Variants in BBS5 observed in about 807,000 individuals in gnomAD.
BBS5 encodes the protein BBSome complex member BBS5.
Under a neutral mutation model 50.2 loss-of-function variants are expected in BBS5, and 39 were observed. The observed-to-expected ratio is 0.78, with a 90% CI of 0.60 to 1.01. The LOEUF (loss-of-function observed/expected upper bound fraction) is 1.01, where lower values mean the gene tolerates loss of function less well. Among genes scored for constraint, BBS5 ranks in the 50% least tolerant of loss-of-function variants. The pLI is 0.00. For missense variants in BBS5, 356 were observed against 401.5 expected (o/e 0.89, Z 0.97); for synonymous variants, 134 against 133.1 (o/e 1.01, Z -0.05).
In BBS5 at chr2:169,484,925, C is replaced by G. The variant is rs147190865; in HGVS notation, c.143-2144C>G. Among the ~76,000 whole-genome samples the G allele has an allele frequency of 1.2e-3, 189 of 152,232 alleles. 2 individuals are homozygous for G. Among genetic ancestry groups the G allele is most frequent in the Admixed American group, 0.011 (165 of 15,286 alleles). The stretch of plus-strand genomic sequence containing the variant: ...TATTAGGCAGGGTAGAGAGGAAAGT[C>G]CATGTCTGGAACACTGGGTTTGGAG... On this transcript the variant is annotated intron_variant, in intron 2 of 11. Transcript: ENST00000295240.
At chr2:169,489,330 G>A (rs1415364205) in intron 5 of BBS5, among the ~76,000 whole-genome samples, 1 of 151,924 alleles carries the variant, frequency 6.6e-6, no homozygotes, top group Non-Finnish European at 1.5e-5. Flanking sequence ...GAGCATGGTG[G>A]TGCATGCCTG....
rs1683609002 is a variant in BBS5, at chr2:169,491,923, A to G, written c.387-951A>G. Reference sequence around the variant, plus strand: ...GCAATTCTTCTGCCTCAGTCTCCCAAGTAGATGAGACTACAAGTGCACACC... The same window carrying G: ...GCAATTCTTCTGCCTCAGTCTCCCAGGTAGATGAGACTACAAGTGCACACC... On this transcript the variant is annotated intron_variant, in intron 5 of 11. Coordinates refer to ENST00000295240, the MANE Select transcript of BBS5 (RefSeq NM_152384.3). Among the ~76,000 whole-genome samples the G allele has an allele frequency of 2.0e-5, 3 of 152,050 alleles. No individual in the cohort carries two copies. The South Asian group carries it at 6.2e-4, about 32-fold the overall frequency.
chr2:169,486,903 G>A lies in BBS5; in HGVS notation c.143-166G>A, dbSNP rs115739996. On this transcript the variant is annotated intron_variant, in intron 2 of 11. Transcript: ENST00000295240. ...TCTCTGGGATTCTGAATCATATGTT[G>A]TATACCTTATATAGGTTGGATATGC... is the stretch of plus-strand genomic sequence containing the variant. Among the ~76,000 whole-genome samples, 1,370 of 152,164 alleles carry A rather than the reference G, an allele frequency of 9.0e-3. 28 individuals are homozygous for A. Among genetic ancestry groups the A allele is most frequent in the African/African-American group, 0.031 (1,294 of 41,546 alleles).
intron 7 of BBS5, among the ~76,000 whole-genome samples, 194 bp downstream of exon 7, chr2:169,494,030 T>G (rs905400393): frequency 5.9e-5 from 9 of 152,240 alleles, no homozygotes; most frequent in African/African-American, 2.2e-4. Context: ...TTGTACTGCA[T>G]TCCAGAGAAG....
In BBS5 at chr2:169,504,825, T is replaced by A; in HGVS notation, c.*243T>A. The A allele has an allele frequency of 6.3e-7, 1 of 1,599,168 alleles. No individual in the cohort carries two copies. Among genetic ancestry groups the A allele is most frequent in the Non-Finnish European group, 8.5e-7 (1 of 1,172,044 alleles). On this transcript the variant is annotated 3_prime_UTR_variant, in exon 12 of 12. Coordinates refer to ENST00000295240, the MANE Select transcript of BBS5 (RefSeq NM_152384.3). ...CCGGCCGCGGCGCTGGCTTAAGCCATGGCTGAGGGTAGCTGGATTCCTCAG... is the reference window on the plus strand; with the variant it reads ...CCGGCCGCGGCGCTGGCTTAAGCCAAGGCTGAGGGTAGCTGGATTCCTCAG...
intron 7 of BBS5, 58 bp downstream of exon 7, chr2:169,493,894 A>G (rs921140236): frequency 1.3e-5 from 16 of 1,218,332 alleles, no homozygotes; most frequent in African/African-American, 1.5e-5. Context: ...TTTTTGTTCA[A>G]TAGTTAATTG....
At chr2:169,500,139 G>C (rs916963652) in intron 9 of BBS5, among the ~76,000 whole-genome samples, 1 of 152,156 alleles carries the variant, frequency 6.6e-6, no homozygotes, top group Non-Finnish European at 1.5e-5. Context: ...TCTTCTTCAT[G>C]ATTTCTTTCC....
rs1482695086 is a variant in BBS5, at chr2:169,506,244, G to A, written c.*1662G>A. ...AGGTTAGGGGCGCCTCTGCCCGGCC[G>A]CCCCTACTGGGAAGTGAGGAGCCCC... On this transcript the variant is annotated 3_prime_UTR_variant, in exon 12 of 12. Coordinates refer to ENST00000295240, the MANE Select transcript of BBS5 (RefSeq NM_152384.3). 5.0e-5 allele frequency: 8 copies of A among 160,212 alleles called. No individual in the cohort carries two copies. The highest frequency in any genetic ancestry group is 1.2e-4 in the African/African-American group (5 of 41,358). The allele number at this position is 160,212 out of a possible 1,614,324, so 9.9% of individuals were successfully genotyped here.
intron 7 of BBS5, among the ~76,000 whole-genome samples, chr2:169,494,925 C>A (rs1683668062): frequency 6.6e-6 from 1 of 152,108 alleles, no homozygotes; most frequent in South Asian, 2.1e-4. Context: ...GAATTCCTGG[C>A]CCATGAGAAG....
intron 10 of BBS5, among the ~76,000 whole-genome samples, 200 bp from the exon 11 acceptor site, chr2:169,504,103 A>T (rs1277956647): frequency 6.6e-6 from 1 of 152,218 alleles, no homozygotes; most frequent in Non-Finnish European, 1.5e-5. Context: ...TTTACAACTT[A>T]AGGTATAACT....
At chr2:169,493,597 G>A (rs1325354055) in intron 6 of BBS5, 144 bp from the exon 7 acceptor site, 1 of 688,374 alleles carries the variant, frequency 1.5e-6, no homozygotes, top group Non-Finnish European at 2.7e-6. Flanking sequence ...TCGTCTAATT[G>A]TACTGCCATC....
chr2:169,494,164 TA>T (rs1312296009), intron 7 of BBS5, among the ~76,000 whole-genome samples: 1 of 152,182 alleles, frequency 6.6e-6, no homozygotes, highest in Non-Finnish European at 1.5e-5. Flanking sequence ...AAGTTTTCTG[TA>T]ACTTTTTCAT....
At position 169,479,528 on chromosome 2, in the gene BBS5, A is replaced by G. The variant is rs748310948; in HGVS notation, c.-26A>G. ...CAGCTAGGCCTGCACGGCTGTGGAG[A>G]GATCCTGCCACGGGCCTTGTTCACC... On this transcript the variant is annotated 5_prime_UTR_variant, in exon 1 of 12. Coordinates refer to ENST00000295240, the MANE Select transcript of BBS5 (RefSeq NM_152384.3). 1.2e-6 allele frequency: 2 copies of G among 1,613,880 alleles called. No individual in the cohort carries two copies. The highest frequency in any genetic ancestry group is 1.1e-5 in the South Asian group (1 of 91,056).
intron 11 of BBS5, 31 bp downstream of exon 11, chr2:169,504,357 G>GAAAAAAAAAATATAGAAAA: frequency 6.2e-7 from 1 of 1,609,500 alleles, no homozygotes. Flanking sequence ...TACAGTATAT[G>GAAAAAAAAAATATAGAAAA]AAAAAAGTTT....
intron 11 of BBS5, 70 bp from the exon 12 acceptor site, chr2:169,504,411 T>G: frequency 6.3e-7 from 1 of 1,581,414 alleles, no homozygotes; most frequent in South Asian, 1.1e-5. Flanking sequence ...GTGAAACCTA[T>G]TTTTTTGTTT....
intron 5 of BBS5, among the ~76,000 whole-genome samples, chr2:169,488,739 A>C (rs1683532975): frequency 6.6e-6 from 1 of 152,260 alleles, no homozygotes; most frequent in Admixed American, 6.5e-5. Context: ...TTATTTAATA[A>C]ACACTTTGAA....
intron 3 of BBS5, 104 bp from the exon 4 acceptor site, chr2:169,487,702 T>C: frequency 5.4e-6 from 4 of 746,032 alleles, no homozygotes; most frequent in Non-Finnish European, 8.8e-6. Context: ...ATATGTTTAA[T>C]TTTTTAAACT....
chr2:169,499,409 A>T, intron 8 of BBS5, 77 bp from the exon 9 acceptor site: 1 of 1,404,030 alleles, frequency 7.1e-7, no homozygotes, highest in Non-Finnish European at 9.8e-7. Context: ...GGACAAATTG[A>T]GCTATAATTT....
intron 2 of BBS5, among the ~76,000 whole-genome samples, chr2:169,483,677 G>C (rs1319069218): frequency 1.2e-4 from 18 of 152,110 alleles, no homozygotes; most frequent in Admixed American, 1.2e-3. Context: ...CAGAAGAAAG[G>C]CTTAGAAAGG....
Sources: allele counts gnomAD v4.1 joint callset (sites outside exome capture counted in the v4.1 genomes callset), GRCh38; gene constraint gnomAD v4.1.1; transcripts MANE v1.5; gene names NCBI Gene and HGNC (gene_info 2026-07-23, HGNC 2026-07-21).